Variants in RIT2 observed in about 807,000 individuals in gnomAD.
RIT2 encodes Ras like without CAAX 2, also known as GTP-binding protein Rit2.
Under a neutral mutation model 23.7 loss-of-function variants are expected in RIT2, and 24 were observed. The observed-to-expected ratio is 1.01, with a 90% CI of 0.73 to 1.43. The LOEUF is 1.43. Ranked by LOEUF, RIT2 falls within the 40% of genes most tolerant of loss-of-function variation. The probability of loss-of-function intolerance (pLI) is 0.00; values close to 1 mark genes in which losing one functional copy is unlikely to be tolerated. For missense variants in RIT2, 236 were observed against 266.9 expected, an observed-to-expected ratio of 0.88 and a Z score of 0.81; for synonymous variants, 107 against 91.1, an observed-to-expected ratio of 1.17 and a Z score of -0.99.
chr18:42,862,629 A>C (rs566826216), intron 4 of RIT2, among the ~76,000 whole-genome samples: 2 of 152,308 alleles, frequency 1.3e-5, no homozygotes, highest in South Asian at 4.1e-4. Context: ...CATATTTGTG[A>C]GTCCATTAAA....
At chr18:42,758,375 T>C (rs1391576353) in intron 4 of RIT2, among the ~76,000 whole-genome samples, 1 of 152,206 alleles carries the variant, frequency 6.6e-6, no homozygotes, top group Non-Finnish European at 1.5e-5. Flanking sequence ...TCAAATCCAA[T>C]AGATGTTTCC....
intron 1 of RIT2, among the ~76,000 whole-genome samples, chr18:43,109,198 C>T (rs961711540): frequency 1.2e-4 from 18 of 152,208 alleles, no homozygotes; most frequent in African/African-American, 3.9e-4. Context: ...GCAGAGGCAA[C>T]AAACTGCACA....
chr18:42,751,988 T>C (rs1312223960), intron 4 of RIT2, among the ~76,000 whole-genome samples: 2 of 152,090 alleles, frequency 1.3e-5, no homozygotes, highest in Non-Finnish European at 2.9e-5. Context: ...TGACAAACCA[T>C]ACATTTGTCA....
At position 43,086,191 on chromosome 18, in the gene RIT2, G is replaced by T. The variant is rs184496916; in HGVS notation, c.103+29226C>A. ...CCCAAAATATGTTATGCTTTAATGAGCATATCTTTTGAGTGTCATGTTAAC... is the reference window on the plus strand; with the variant it reads ...CCCAAAATATGTTATGCTTTAATGATCATATCTTTTGAGTGTCATGTTAAC... On this transcript the variant is annotated intron_variant, in intron 1 of 4. Coordinates refer to ENST00000326695, the MANE Select transcript of RIT2 (RefSeq NM_002930.4). 4.9e-4 allele frequency among the ~76,000 whole-genome samples: 75 copies of T among 152,196 alleles called. 1 individual carries two copies. Among genetic ancestry groups the T allele is most frequent in the Non-Finnish European group, 8.8e-5 (6 of 68,006 alleles).
chr18:43,006,885 A>T (rs1370563471), intron 2 of RIT2, among the ~76,000 whole-genome samples: 1 of 151,534 alleles, frequency 6.6e-6, no homozygotes, highest in Non-Finnish European at 1.5e-5. Flanking sequence ...ATCAGCCCAG[A>T]ACCACCATTA....
chr18:43,066,989 G>T (rs764742212), intron 1 of RIT2, among the ~76,000 whole-genome samples: 45 of 151,476 alleles, frequency 3.0e-4, no homozygotes, highest in Middle Eastern at 6.8e-3. Flanking sequence ...TGAGTTCTAG[G>T]ATCCTGGGAA....
chr18:43,030,103 T>C (rs1366360660), intron 2 of RIT2, among the ~76,000 whole-genome samples: 1 of 152,104 alleles, frequency 6.6e-6, no homozygotes, highest in Admixed American at 6.6e-5. Flanking sequence ...AATAACATAT[T>C]GGGCATTTTT....
intron 1 of RIT2, among the ~76,000 whole-genome samples, chr18:43,059,463 T>C (rs1912590748): frequency 1.3e-5 from 2 of 152,114 alleles, no homozygotes; most frequent in Admixed American, 6.6e-5. Flanking sequence ...GCAGTTATCA[T>C]AGACAAGATA....
At chr18:43,084,975 G>A (rs1439416192) in intron 1 of RIT2, among the ~76,000 whole-genome samples, 4 of 152,066 alleles carry the variant, frequency 2.6e-5, no homozygotes, top group Non-Finnish European at 5.9e-5. Flanking sequence ...CCATGTGTGA[G>A]GAGCAGTGGG....
intron 4 of RIT2, among the ~76,000 whole-genome samples, chr18:42,839,660 A>G (rs1395385756): frequency 6.6e-6 from 1 of 152,208 alleles, no homozygotes; most frequent in Non-Finnish European, 1.5e-5. Context: ...TGTAACATCA[A>G]TTATGTAGCA....
chr18:42,808,615 T>C (rs1905753215), intron 4 of RIT2, among the ~76,000 whole-genome samples: 1 of 152,082 alleles, frequency 6.6e-6, no homozygotes, highest in Non-Finnish European at 1.5e-5. Flanking sequence ...AAAGGCATAG[T>C]TAACACATTA....
rs79948552 is a variant in RIT2, at chr18:43,091,756, G to A, written c.103+23661C>T. 3.3e-3 allele frequency among the ~76,000 whole-genome samples: 508 copies of A among 152,140 alleles called. 2 individuals carry two copies. The highest frequency in any genetic ancestry group is 0.012 in the African/African-American group (487 of 41,532). ...GACAAAGATGACCTTTGGATTATGC[G>A]TTATTTAGGATTCTGAATGCTCCTG... On this transcript the variant is annotated intron_variant, in intron 1 of 4. Coordinates refer to ENST00000326695, the MANE Select transcript of RIT2 (RefSeq NM_002930.4).
intron 4 of RIT2, among the ~76,000 whole-genome samples, chr18:42,759,656 G>A (rs1913250552): frequency 6.7e-6 from 1 of 149,538 alleles, no homozygotes; most frequent in African/African-American, 2.5e-5. Context: ...CAGTGTAGTC[G>A]GAAAGCAGCT....
At chr18:42,805,631 G>A (rs535390423) in intron 4 of RIT2, among the ~76,000 whole-genome samples, 1 of 152,104 alleles carries the variant, frequency 6.6e-6, no homozygotes, top group South Asian at 2.1e-4. Flanking sequence ...GAAAATATTG[G>A]CTCACTGAGC....
At chr18:42,976,903 C>CAAGATGTTT (rs2144207910) in intron 2 of RIT2, among the ~76,000 whole-genome samples, 1 of 151,982 alleles carries the variant, frequency 6.6e-6, no homozygotes, top group East Asian at 1.9e-4. Context: ...GACAGATTTG[C>CAAGATGTTT]AAGATGTTTA....
At chr18:43,061,943 A>T (rs938137772) in intron 1 of RIT2, among the ~76,000 whole-genome samples, 1 of 152,086 alleles carries the variant, frequency 6.6e-6, no homozygotes, top group Middle Eastern at 3.2e-3. Context: ...GGAGTAAAAG[A>T]GCTGTCATTC....
At chr18:42,897,300 T>C (rs542980100) in intron 4 of RIT2, among the ~76,000 whole-genome samples, 1 of 151,818 alleles carries the variant, frequency 6.6e-6, no homozygotes, top group Non-Finnish European at 1.5e-5. Flanking sequence ...CGCTGGGGAG[T>C]GTTAGAACTG....
At chr18:43,057,580 G>A (rs922285711) in intron 1 of RIT2, among the ~76,000 whole-genome samples, 3 of 152,076 alleles carry the variant, frequency 2.0e-5, no homozygotes, top group Non-Finnish European at 2.9e-5. Flanking sequence ...TTTTTGGTAA[G>A]GATGTAGTGT....
chr18:43,087,056 C>A lies in RIT2; in HGVS notation c.103+28361G>T, dbSNP rs541464606. 5.3e-5 allele frequency among the ~76,000 whole-genome samples: 8 copies of A among 152,082 alleles called. No individual in the cohort carries two copies. The East Asian group carries it at 1.6e-3, about 30-fold the overall frequency. ...CTTGAGGCTAGGAGCTGGAGACCAG[C>A]CTGGCCAACATAGCAAAATCCTGTC... On this transcript the variant is annotated intron_variant, in intron 1 of 4. Transcript: ENST00000326695.
Sources: gnomAD v4.1 joint callset for allele counts (sites outside exome capture counted in the v4.1 genomes callset) on GRCh38, gnomAD v4.1.1 for gene constraint, MANE v1.5 for transcripts, NCBI Gene and HGNC (gene_info 2026-07-23, HGNC 2026-07-21) for gene names.